Variants in NID1 observed in about 807,000 individuals in gnomAD.
The protein encoded by NID1 is nidogen 1, also known as nidogen-1.
NID1 carries 76 observed loss-of-function variants against 130.6 expected under a neutral mutation model. The observed-to-expected ratio is 0.58, with a 90% CI of 0.48 to 0.70. The LOEUF (loss-of-function observed/expected upper bound fraction) is 0.70, where lower values mean the gene tolerates loss of function less well. Ranked by LOEUF, NID1 falls within the 30% of genes least tolerant of loss-of-function variation. The probability of loss-of-function intolerance (pLI) is 0.00; values close to 1 mark genes in which losing one functional copy is unlikely to be tolerated. For synonymous variants in NID1, 665 were observed against 675.1 expected (o/e 0.98, Z 0.23); for missense variants, 1,517 against 1,664.8 (o/e 0.91, Z 1.54).
In NID1 at chr1:235,980,528, G is replaced by A. The variant is rs761583470; in HGVS notation, c.3353C>T (p.Ala1118Val). Residue 1118 changes from alanine (A) to valine (V), a missense_variant, in exon 17 of 20, where the codon GCG becomes GTG. By Grantham distance (64) the Ala-to-Val change is moderately conservative. Around this residue, in one of 3 missense-constraint regions of NID1, gnomAD observed 181 missense variants for 211.3 expected, o/e 0.86. Coordinates refer to ENST00000264187, the MANE Select transcript of NID1 (RefSeq NM_002508.3). ...CACCCAGCAGAGCTGAGATGAGAAC[G>A]CATCGAAGGTCAGTCCATTGGGCAA... ...LGLPNGLTFD[A>V]FSSQLCWVDA... The A allele has an allele frequency of 8.7e-6, 14 of 1,614,032 alleles. No homozygotes were observed. The highest frequency in any genetic ancestry group is 3.3e-4 in the Middle Eastern group (2 of 6,082).
chr1:235,990,925 G>C lies in NID1; in HGVS notation c.2889C>G (p.Thr963=). 1 of 1,614,138 alleles carries C rather than the reference G, an allele frequency of 6.2e-7. No homozygotes were observed. Among genetic ancestry groups the C allele is most frequent in the Non-Finnish European group, 8.5e-7 (1 of 1,180,014 alleles). Residue 963 remains threonine, a synonymous_variant, in exon 14 of 20, where the codon ACC becomes ACG. Transcript: ENST00000264187. ...KIERLPLEGN[T]MRKTEAKAFL... ...ACGCCTTTGCTTCTGTCTTCCTCAT[G>C]GTATTTCCCTCCAGGGGCAGGCGCT... is the stretch of plus-strand genomic sequence containing the variant.
In NID1 at chr1:235,990,941, G is replaced by A. The variant is rs771956305; in HGVS notation, c.2873C>T (p.Pro958Leu). 2 of 1,614,154 alleles carry A rather than the reference G, an allele frequency of 1.2e-6. No homozygotes were observed. The highest frequency in any genetic ancestry group is 8.5e-7 in the Non-Finnish European group (1 of 1,180,032). The change falls in exon 14 of 20, where the codon CCC becomes CTC. Residue 958 changes from proline to leucine, a missense_variant. Pro to Leu is a moderately conservative substitution (Grantham distance 98). This residue lies in a region of NID1 where 1,329 missense variants were observed against 1,429.2 expected (regional missense o/e 0.93). Coordinates refer to ENST00000264187, the MANE Select transcript of NID1 (RefSeq NM_002508.3). Reference protein sequence around the residue: ...FAQTGKIERLPLEGNTMRKTE... With the variant: ...FAQTGKIERLLLEGNTMRKTE... ...CTTCCTCATGGTATTTCCCTCCAGGGGCAGGCGCTCAATCTTCCCAGTCTG... is the reference window on the plus strand; with the variant it reads ...CTTCCTCATGGTATTTCCCTCCAGGAGCAGGCGCTCAATCTTCCCAGTCTG...
intron 4 of NID1, among the ~76,000 whole-genome samples, chr1:236,038,640 C>T (rs1659332875): frequency 6.8e-6 from 1 of 147,072 alleles, no homozygotes; most frequent in Non-Finnish European, 1.5e-5. Context: ...TGGGGGGACT[C>T]TTAAAATATA....
chr1:236,023,089 C>T (rs1274065514), intron 9 of NID1, among the ~76,000 whole-genome samples: 1 of 151,670 alleles, frequency 6.6e-6, no homozygotes, highest in African/African-American at 2.4e-5. Flanking sequence ...ATAGAATTAC[C>T]ATATGATTCA....
At chr1:236,051,163 A>C (rs1475992966) in intron 1 of NID1, among the ~76,000 whole-genome samples, 1 of 152,192 alleles carries the variant, frequency 6.6e-6, no homozygotes, top group Non-Finnish European at 1.5e-5. Flanking sequence ...TTGCTCTTTA[A>C]GGGCTGCAGA....
intron 3 of NID1, among the ~76,000 whole-genome samples, chr1:236,043,949 G>A (rs1041059639): frequency 6.6e-6 from 1 of 152,174 alleles, no homozygotes; most frequent in Non-Finnish European, 1.5e-5. Context: ...ATAAAATATA[G>A]TAGAATATCC....
intron 12 of NID1, among the ~76,000 whole-genome samples, chr1:235,996,942 C>A (rs1657944212): frequency 6.6e-6 from 1 of 152,174 alleles, no homozygotes; most frequent in African/African-American, 2.4e-5. Context: ...TCAAGCGATT[C>A]TCCTACCTCA....
intron 12 of NID1, among the ~76,000 whole-genome samples, chr1:235,996,485 C>G (rs1233385758): frequency 3.3e-5 from 5 of 152,100 alleles, no homozygotes; most frequent in African/African-American, 1.2e-4. Context: ...CTCTGTCACC[C>G]AGGCTGGAGT....
At position 235,985,496 on chromosome 1, in the gene NID1, T is replaced by C. The variant is rs367987962; in HGVS notation, c.2938A>G (p.Ile980Val). Residue 980 changes from isoleucine to valine, a missense_variant, in exon 15 of 20, where the codon ATC becomes GTC. Physicochemically the swap from Ile to Val is conservative, Grantham distance 29 (BLOSUM62 3). This residue lies in a region of NID1 where 1,329 missense variants were observed against 1,429.2 expected (regional missense o/e 0.93). Coordinates refer to ENST00000264187, the MANE Select transcript of NID1 (RefSeq NM_002508.3). ...ACGCAGTCAAAGGCCAGTCCAATGA[T>C]GACTTTAGCCTGGATGTGAAGACCA... ...KAFLHVPAKVIIGLAFDCVDK... is the reference protein window; with the variant it reads ...KAFLHVPAKVVIGLAFDCVDK... The C allele has an allele frequency of 1.2e-5, 19 of 1,614,162 alleles. No homozygotes were observed. Among genetic ancestry groups the C allele is most frequent in the Non-Finnish European group, 1.6e-5 (19 of 1,179,984 alleles).
In NID1 at chr1:236,062,827, T is replaced by G. The variant is rs117769307; in HGVS notation, c.225+2028A>C. On this transcript the variant is annotated intron_variant, in intron 1 of 19. Coordinates refer to ENST00000264187, the MANE Select transcript of NID1 (RefSeq NM_002508.3). ...AATCGTTACCTGAACTGCCCTTGGA[T>G]CCACTGCTACACCTTGTTATTTAAT... is the stretch of plus-strand genomic sequence containing the variant. Among the ~76,000 whole-genome samples the G allele has an allele frequency of 1.6e-3, 237 of 152,118 alleles. 6 individuals are homozygous for G. In the East Asian group the frequency reaches 0.031, roughly 20 times the overall value.
At chr1:236,047,289 T>C (rs1659629480) in intron 2 of NID1, among the ~76,000 whole-genome samples, 1 of 152,232 alleles carries the variant, frequency 6.6e-6, no homozygotes, top group Non-Finnish European at 1.5e-5. Context: ...TGTTTTGTGG[T>C]ACACACTTTA....
At chr1:236,049,225 G>T (rs566824220) in intron 1 of NID1, among the ~76,000 whole-genome samples, 1 of 152,272 alleles carries the variant, frequency 6.6e-6, no homozygotes, top group African/African-American at 2.4e-5. Flanking sequence ...CTCGAAAAAG[G>T]GAGTAATCAC....
At chr1:235,990,099 C>CT (rs1161053165) in intron 14 of NID1, among the ~76,000 whole-genome samples, 1 of 152,184 alleles carries the variant, frequency 6.6e-6, no homozygotes, top group Admixed American at 6.5e-5. Flanking sequence ...ATTTTGGATA[C>CT]TTTTTTGCTG....
intron 8 of NID1, among the ~76,000 whole-genome samples, 162 bp downstream of exon 8, chr1:236,025,734 C>T (rs1658909913): frequency 6.6e-6 from 1 of 152,152 alleles, no homozygotes; most frequent in South Asian, 2.1e-4. Flanking sequence ...GGCAGCTTTT[C>T]CAAGAATCAA....
At chr1:236,001,743 CAAAG>C (rs1340712962) in intron 12 of NID1, among the ~76,000 whole-genome samples, 3 of 152,158 alleles carry the variant, frequency 2.0e-5, no homozygotes, top group Non-Finnish European at 4.4e-5. Flanking sequence ...AAAAGGCAAA[CAAAG>C]AAGGGAAAAC....
chr1:236,059,328 G>C (rs1200859913), intron 1 of NID1, among the ~76,000 whole-genome samples: 4 of 152,158 alleles, frequency 2.6e-5, no homozygotes, highest in Non-Finnish European at 5.9e-5. Flanking sequence ...ACACAAAAAG[G>C]AAGTCCAGAA....
intron 1 of NID1, among the ~76,000 whole-genome samples, chr1:236,061,248 G>C (rs1660027682): frequency 1.3e-5 from 2 of 152,146 alleles, no homozygotes; most frequent in Non-Finnish European, 2.9e-5. Context: ...TAGTGGGCAG[G>C]AAATAGATGA....
rs143773774 is a variant in NID1, at chr1:236,047,331, T to C, written c.525+1359A>G. 4.9e-3 allele frequency among the ~76,000 whole-genome samples: 742 copies of C among 152,326 alleles called. 7 individuals carry two copies. The highest frequency in any genetic ancestry group is 0.017 in the African/African-American group (710 of 41,566). On this transcript the variant is annotated intron_variant, in intron 2 of 19. Coordinates refer to ENST00000264187, the MANE Select transcript of NID1 (RefSeq NM_002508.3). ...ACCAGCCTGAAATACCTCCCATTTA[T>C]ATGAAGTGCTTTGGGACCCTTCAAG... is the stretch of plus-strand genomic sequence containing the variant.
intron 2 of NID1, among the ~76,000 whole-genome samples, chr1:236,048,362 T>C (rs931992677): frequency 6.6e-6 from 1 of 151,686 alleles, no homozygotes; most frequent in Non-Finnish European, 1.5e-5. Flanking sequence ...AATAAATAAA[T>C]AAATAAATTA....
Sources: allele counts gnomAD v4.1 joint callset (sites outside exome capture counted in the v4.1 genomes callset), GRCh38; gene constraint gnomAD v4.1.1; regional missense constraint gnomAD v4.1.1; transcripts MANE v1.5; gene names NCBI Gene and HGNC (gene_info 2026-07-23, HGNC 2026-07-21).